CACNA2D3: variants seen among roughly 807,000 people sequenced by gnomAD.
The protein encoded by CACNA2D3 is voltage-dependent calcium channel subunit alpha-2/delta-3.
CACNA2D3 carries 60 observed loss-of-function variants against 160.6 expected under a neutral mutation model. That is an observed-to-expected ratio of 0.37 (90% CI 0.30 to 0.46). The LOEUF is 0.46. Among genes scored for constraint, CACNA2D3 ranks in the 20% least tolerant of loss-of-function variants. CACNA2D3 has a pLI of 1.00. For missense variants in CACNA2D3, 1,205 were observed against 1,365.0 expected (o/e 0.88, Z 1.85); for synonymous variants, 558 against 492.9 (o/e 1.13, Z -1.75).
intron 4 of CACNA2D3, among the ~76,000 whole-genome samples, chr3:54,434,754 C>G (rs1700037245): frequency 1.3e-5 from 2 of 152,180 alleles, no homozygotes; most frequent in South Asian, 4.1e-4. Flanking sequence ...ATTCTTCCCC[C>G]TTTCTTATGC....
At chr3:54,877,048 A>C (rs1041968077) in intron 18 of CACNA2D3, 1 of 152,184 alleles carries the variant, frequency 6.6e-6, no homozygotes, top group Non-Finnish European at 1.5e-5. Flanking sequence ...TTTTCGGTCT[A>C]TGTAAACCTA....
chr3:54,784,664 A>G (rs1377788974), intron 13 of CACNA2D3, among the ~76,000 whole-genome samples: 1 of 152,012 alleles, frequency 6.6e-6, no homozygotes, highest in Non-Finnish European at 1.5e-5. Context: ...GCAGAGTTGC[A>G]ATGAAAGAGG....
At chr3:54,707,014 G>C (rs987064714) in intron 11 of CACNA2D3, among the ~76,000 whole-genome samples, 1 of 152,168 alleles carries the variant, frequency 6.6e-6, no homozygotes. Flanking sequence ...TTCTGCCCAA[G>C]TTATTTCTCT....
intron 35 of CACNA2D3, among the ~76,000 whole-genome samples, chr3:55,053,109 C>T (rs776636164): frequency 6.6e-6 from 1 of 151,960 alleles, no homozygotes; most frequent in African/African-American, 2.4e-5. Flanking sequence ...TATCCATTAC[C>T]TCTAAAAATT....
chr3:54,994,209 G>C (rs1054166363), intron 31 of CACNA2D3, among the ~76,000 whole-genome samples: 12 of 152,052 alleles, frequency 7.9e-5, no homozygotes, highest in Non-Finnish European at 1.5e-4. Flanking sequence ...GTGGGACTTG[G>C]GAGCTTTCCC....
intron 3 of CACNA2D3, among the ~76,000 whole-genome samples, chr3:54,362,488 T>C (rs1188552180): frequency 6.6e-6 from 1 of 152,216 alleles, no homozygotes; most frequent in Non-Finnish European, 1.5e-5. Context: ...TCCCATCATA[T>C]TCACGGGCCC....
chr3:55,068,909 C>G (rs1038529180), intron 35 of CACNA2D3, among the ~76,000 whole-genome samples: 2 of 152,204 alleles, frequency 1.3e-5, no homozygotes, highest in Admixed American at 1.3e-4. Flanking sequence ...AAGATTTCCA[C>G]TATAATAATA....
chr3:54,246,456 G>A (rs1350226556), intron 2 of CACNA2D3, among the ~76,000 whole-genome samples: 1 of 152,196 alleles, frequency 6.6e-6, no homozygotes, highest in African/African-American at 2.4e-5. Context: ...ACTTTGGGAG[G>A]CCAAGGTGGG....
intron 35 of CACNA2D3, among the ~76,000 whole-genome samples, chr3:55,029,927 A>G (rs983781297): frequency 1.3e-5 from 2 of 152,254 alleles, no homozygotes; most frequent in African/African-American, 2.4e-5. Context: ...AATAGGATTC[A>G]TTTTCCCATG....
rs772543628 is a variant in CACNA2D3 at position 54,896,893 on chromosome 3, G to T, written c.2368+23G>T. 5.0e-6 allele frequency: 8 copies of T among 1,613,714 alleles called. No individual in the cohort carries two copies. The South Asian group carries it at 7.7e-5, about 16-fold the overall frequency. On this transcript the variant is annotated intron_variant, in intron 26 of 37. Transcript: ENST00000474759. ...CTGGTGGGTGCCCTTGTTGGAGGCG[G>T]GCTCTGTCTGTCTGGTCCAGTGGGT...
chr3:54,603,996 CCTT>C (rs1481430795), intron 9 of CACNA2D3, among the ~76,000 whole-genome samples: 7 of 152,250 alleles, frequency 4.6e-5, no homozygotes, highest in African/African-American at 1.4e-4. Context: ...ATTCCAACCT[CCTT>C]ATTATTGAAA....
At chr3:54,780,681 G>A (rs191971057) in intron 13 of CACNA2D3, among the ~76,000 whole-genome samples, 1 of 152,174 alleles carries the variant, frequency 6.6e-6, no homozygotes, top group African/African-American at 2.4e-5. Flanking sequence ...CAAGCTAATT[G>A]CTCTGGGCCA....
intron 11 of CACNA2D3, among the ~76,000 whole-genome samples, chr3:54,731,863 G>A (rs761488975): frequency 2.0e-5 from 3 of 152,030 alleles, no homozygotes; most frequent in Admixed American, 6.5e-5. Context: ...AAGCAGAAAC[G>A]TATAGGGCAA....
intron 4 of CACNA2D3, among the ~76,000 whole-genome samples, chr3:54,463,495 A>G (rs577521491): frequency 3.7e-4 from 56 of 151,880 alleles, no homozygotes; most frequent in African/African-American, 1.3e-3. Context: ...TTTTCTGTAA[A>G]CTTCTCATCT....
chr3:54,386,634 C>G (rs1485029993), intron 3 of CACNA2D3, 81 bp from the exon 4 acceptor site: 3 of 1,301,344 alleles, frequency 2.3e-6, no homozygotes, highest in Non-Finnish European at 3.2e-6. Flanking sequence ...TAATATGTCA[C>G]TTTTGGTCAA....
intron 9 of CACNA2D3, among the ~76,000 whole-genome samples, chr3:54,597,628 A>T (rs1446368303): frequency 1.3e-5 from 2 of 152,098 alleles, no homozygotes; most frequent in Non-Finnish European, 2.9e-5. Flanking sequence ...TGGGTGGGAA[A>T]ACTGACAGCT....
chr3:54,644,403 G>A (rs550820559), intron 11 of CACNA2D3, among the ~76,000 whole-genome samples: 25 of 152,206 alleles, frequency 1.6e-4, no homozygotes, highest in Middle Eastern at 3.4e-3. Flanking sequence ...AGAGTTCCAC[G>A]ACATTTTTAT....
At chr3:54,474,690 G>T (rs940257482) in intron 4 of CACNA2D3, among the ~76,000 whole-genome samples, 22 of 152,072 alleles carry the variant, frequency 1.4e-4, no homozygotes, top group African/African-American at 5.1e-4. Flanking sequence ...GGGGAAGAGG[G>T]AAAATGAGAC....
intron 27 of CACNA2D3, among the ~76,000 whole-genome samples, chr3:54,921,359 G>A (rs538589354): frequency 6.6e-6 from 1 of 152,248 alleles, no homozygotes; most frequent in African/African-American, 2.4e-5. Flanking sequence ...GACTCAGTTG[G>A]ATAAAATATA....
Sources: allele counts gnomAD v4.1 joint callset (sites outside exome capture counted in the v4.1 genomes callset), GRCh38; gene constraint gnomAD v4.1.1; transcripts MANE v1.5; gene names NCBI Gene and HGNC (gene_info 2026-07-23, HGNC 2026-07-21).